Variants in LINGO2 observed in about 807,000 individuals in gnomAD.
The protein encoded by LINGO2 is leucine rich repeat and Ig domain containing 2, also known as leucine-rich repeat and immunoglobulin-like domain-containing nogo receptor-interacting protein 2.
A neutral mutation model predicts 30.6 loss-of-function variants in LINGO2; 14 were observed. The ratio of observed to expected loss-of-function variants is 0.46; its 90% confidence interval spans 0.30 to 0.72. The LOEUF (loss-of-function observed/expected upper bound fraction) is 0.72. Among genes scored for constraint, LINGO2 ranks in the 30% least tolerant of loss-of-function variants. LINGO2 has a pLI of 0.07. For missense variants in LINGO2, 729 were observed against 751.7 expected (o/e 0.97, Z 0.35); for synonymous variants, 317 against 288.5 (o/e 1.10, Z -1.00).
chr9:28,370,740 C>G (rs1458485351), intron 3 of LINGO2, among the ~76,000 whole-genome samples: 1 of 152,160 alleles, frequency 6.6e-6, no homozygotes, highest in African/African-American at 2.4e-5. Flanking sequence ...ATCCTCCATA[C>G]CAACCACCAC....
At chr9:28,727,583 C>T in the LINGO2 span, among the ~76,000 whole-genome samples, 3 of 152,078 alleles carry the variant, frequency 2.0e-5, no homozygotes, top group Non-Finnish European at 4.4e-5. Context: ...CCACCACGCC[C>T]GGCCAAATTA....
chr9:28,648,956 G>T (rs928527485), intron 1 of LINGO2, among the ~76,000 whole-genome samples: 2 of 152,082 alleles, frequency 1.3e-5, no homozygotes, highest in Non-Finnish European at 2.9e-5. Context: ...TATGATCAGA[G>T]ATAACCAGGT....
chr9:28,632,725 T>G (rs897790572), intron 1 of LINGO2, among the ~76,000 whole-genome samples: 13 of 138,748 alleles, frequency 9.4e-5, no homozygotes, highest in African/African-American at 3.6e-4. Context: ...TAGATCTATA[T>G]ATAGATCTAT....
At chr9:27,950,536 T>C in exon 6 of LINGO2, 1 of 1,569,380 alleles carries the variant, frequency 6.4e-7, no homozygotes, top group Non-Finnish European at 8.6e-7. Flanking sequence ...ATCAATCGCC[T>C]TCTGTGACAG....
chr9:28,228,037 T>C (rs995179316), intron 4 of LINGO2, among the ~76,000 whole-genome samples: 4 of 152,072 alleles, frequency 2.6e-5, no homozygotes, highest in African/African-American at 9.7e-5. Context: ...CGATAGATGA[T>C]AGGAGCTTAA....
In LINGO2 at chr9:28,441,057, T is replaced by A. The variant is rs79508726; in HGVS notation, c.-279+34883A>T. Among the ~76,000 whole-genome samples the A allele has an allele frequency of 6.5e-3, 982 of 152,158 alleles. 40 individuals are homozygous for A. The East Asian group carries it at 0.094, about 14-fold the overall frequency. ...ATCAAGAGAAATCCACCCTCATGAATTGATTCTTGAGACTTACTTCACTTT... is the reference window on the plus strand; with the variant it reads ...ATCAAGAGAAATCCACCCTCATGAAATGATTCTTGAGACTTACTTCACTTT... On this transcript the variant is annotated intron_variant, in intron 2 of 5. Coordinates refer to ENST00000379992, the Ensembl canonical transcript of LINGO2.
At chr9:28,189,011 T>A (rs1564028270) in intron 4 of LINGO2, among the ~76,000 whole-genome samples, 2 of 151,646 alleles carry the variant, frequency 1.3e-5, no homozygotes, top group Non-Finnish European at 2.9e-5. Flanking sequence ...AAAGTTTACA[T>A]CAATTAAGAA....
chr9:27,999,436 C>CAGAGAGAGAGAGAGAGAG (rs36216761), intron 5 of LINGO2, among the ~76,000 whole-genome samples: 207 of 143,718 alleles, frequency 1.4e-3, no homozygotes, highest in African/African-American at 4.7e-3. Context: ...GCCTAATCTT[C>CAGAGAGAGAGAGAGAGAG]AGAGAGAGAG....
the LINGO2 span, among the ~76,000 whole-genome samples, chr9:28,827,817 G>A: frequency 6.6e-6 from 1 of 152,072 alleles, no homozygotes; most frequent in African/African-American, 2.4e-5. Flanking sequence ...AAAGATAATG[G>A]AAATGGCAAG....
At chr9:28,310,556 C>T (rs939618964) in intron 3 of LINGO2, among the ~76,000 whole-genome samples, 4 of 152,124 alleles carry the variant, frequency 2.6e-5, no homozygotes, top group East Asian at 1.9e-4. Context: ...AGCAGTTCTG[C>T]GCCTGAGGAC....
chr9:28,519,399 A>G (rs931973333), intron 1 of LINGO2, among the ~76,000 whole-genome samples: 3 of 152,296 alleles, frequency 2.0e-5, no homozygotes, highest in South Asian at 4.2e-4. Context: ...TCAGGTAAAT[A>G]GTAAGAGCTA....
In LINGO2 at chr9:28,440,017, T is replaced by G. The variant is rs567325030; in HGVS notation, c.-279+35923A>C. On this transcript the variant is annotated intron_variant, in intron 2 of 5. Coordinates refer to ENST00000379992, the Ensembl canonical transcript of LINGO2. ...TTGGGCTGCTGTTAGACTCTGAAAT[T>G]TGGTGTTATTTTTCACCCTGGCATA... is the stretch of plus-strand genomic sequence containing the variant. 2.6e-5 allele frequency among the ~76,000 whole-genome samples: 4 copies of G among 152,260 alleles called. No individual in the cohort carries two copies. In the East Asian group the frequency reaches 7.7e-4, roughly 29 times the overall value.
chr9:28,828,607 T>C, the LINGO2 span, among the ~76,000 whole-genome samples: 1 of 152,078 alleles, frequency 6.6e-6, no homozygotes, highest in African/African-American at 2.4e-5. Flanking sequence ...AACCTTTTTT[T>C]TTTTTCCTAT....
chr9:28,965,895 T>C, the LINGO2 span, among the ~76,000 whole-genome samples: 3 of 152,136 alleles, frequency 2.0e-5, no homozygotes, highest in South Asian at 4.1e-4. Context: ...AAGGGCTGCA[T>C]AGGGAAAATT....
At chr9:28,298,916 G>T (rs535928240) in intron 3 of LINGO2, among the ~76,000 whole-genome samples, 1 of 152,128 alleles carries the variant, frequency 6.6e-6, no homozygotes, top group Non-Finnish European at 1.5e-5. Context: ...ATGTACAAAC[G>T]CTGTTTTCCT....
chr9:28,763,193 A>T, the LINGO2 span, among the ~76,000 whole-genome samples: 1 of 152,034 alleles, frequency 6.6e-6, no homozygotes, highest in South Asian at 2.1e-4. Flanking sequence ...ACACTCAACC[A>T]ATGGATCTAA....
At chr9:29,070,286 G>T in the LINGO2 span, among the ~76,000 whole-genome samples, 1 of 152,094 alleles carries the variant, frequency 6.6e-6, no homozygotes, top group Non-Finnish European at 1.5e-5. Flanking sequence ...TAGATCTTCA[G>T]ATTTCCTGTT....
chr9:28,701,388 C>G, the LINGO2 span, among the ~76,000 whole-genome samples: 1 of 151,930 alleles, frequency 6.6e-6, no homozygotes, highest in African/African-American at 2.4e-5. Flanking sequence ...CCAGTTGTTG[C>G]AGTACCATTT....
intron 2 of LINGO2, among the ~76,000 whole-genome samples, chr9:28,378,107 A>G (rs10117810): frequency 0.37 from 56,103 of 152,146 alleles, 10,657 homozygotes; most frequent in Middle Eastern, 0.53. Context: ...TTATGCCACC[A>G]CTACACTGCA....
Sources: allele counts gnomAD v4.1 joint callset (sites outside exome capture counted in the v4.1 genomes callset), GRCh38; gene constraint gnomAD v4.1.1; transcripts MANE v1.5; gene names NCBI Gene and HGNC (gene_info 2026-07-23, HGNC 2026-07-21).